The following CNGB1 variants were observed in gnomAD, a reference collection of about 807,000 sequenced individuals.
CNGB1 encodes cyclic nucleotide gated channel subunit beta 1.
Under a neutral mutation model 151.7 loss-of-function variants are expected in CNGB1, and 126 were observed. The ratio of observed to expected loss-of-function variants is 0.83; its 90% confidence interval spans 0.72 to 0.96. The LOEUF is 0.96. Among genes scored for constraint, CNGB1 ranks in the 40% least tolerant of loss-of-function variants. CNGB1 has a pLI of 0.00. For synonymous variants in CNGB1, 623 were observed against 635.1 expected (o/e 0.98, Z 0.29); for missense variants, 1,698 against 1,627.0 (o/e 1.04, Z -0.75).
chr16:57,947,529 T>G (rs1961839675), intron 14 of CNGB1, among the ~76,000 whole-genome samples: 1 of 152,130 alleles, frequency 6.6e-6, no homozygotes, highest in Admixed American at 6.5e-5. Flanking sequence ...AGGCTTAGTT[T>G]TGGTCTAAGA....
At chr16:57,905,402 T>C (rs1960521017) in intron 25 of CNGB1, among the ~76,000 whole-genome samples, 1 of 152,190 alleles carries the variant, frequency 6.6e-6, no homozygotes, top group Non-Finnish European at 1.5e-5. Context: ...GGCACACCCG[T>C]GGTCACTAGT....
intron 12 of CNGB1, among the ~76,000 whole-genome samples, chr16:57,953,967 T>C (rs891002525): frequency 2.0e-5 from 3 of 152,194 alleles, no homozygotes; most frequent in East Asian, 1.9e-4. Flanking sequence ...ACATTTTTCA[T>C]AGTTGGCCCC....
chr16:57,912,744 C>A (rs1444355268), intron 24 of CNGB1, among the ~76,000 whole-genome samples, 186 bp downstream of exon 24: 1 of 146,778 alleles, frequency 6.8e-6, no homozygotes, highest in Non-Finnish European at 1.5e-5. Context: ...TGTGTGTGTG[C>A]ATTGTGTGTT....
In CNGB1 at chr16:57,962,887, C is replaced by T. The variant is rs747578508; in HGVS notation, c.382-15G>A. 7 of 1,612,518 alleles carry T rather than the reference C, an allele frequency of 4.3e-6. No individual in the cohort carries two copies. The African/African-American group carries it at 5.3e-5, about 12-fold the overall frequency. Reference sequence around the variant, plus strand: ...TGCCCCAGGATCTGCCAGGGACAGACAGACAGACATGGGCAGGGAGCCCAA... The same window carrying T: ...TGCCCCAGGATCTGCCAGGGACAGATAGACAGACATGGGCAGGGAGCCCAA... On this transcript the variant is annotated splice_polypyrimidine_tract_variant and intron_variant, in intron 5 of 32. Coordinates refer to ENST00000251102, the MANE Select transcript of CNGB1 (RefSeq NM_001297.5).
chr16:57,925,978 G>A (rs561807273), intron 17 of CNGB1, among the ~76,000 whole-genome samples: 40 of 152,236 alleles, frequency 2.6e-4, no homozygotes, highest in African/African-American at 9.1e-4. Context: ...ATGAGCCACC[G>A]CCCCCGGCCA....
intron 17 of CNGB1, among the ~76,000 whole-genome samples, chr16:57,926,398 C>A (rs905275787): frequency 6.6e-6 from 1 of 152,172 alleles, no homozygotes; most frequent in Admixed American, 6.5e-5. Flanking sequence ...TCTAGGCCAG[C>A]GCTCTTCCCC....
chr16:57,967,950 T>A (rs138208678), intron 1 of CNGB1, among the ~76,000 whole-genome samples: 1 of 152,266 alleles, frequency 6.6e-6, no homozygotes, highest in Admixed American at 6.5e-5. Context: ...AGTACCTACA[T>A]GTAACTAAAT....
In CNGB1 at chr16:57,958,533, G is replaced by A. The variant is rs765129457; in HGVS notation, c.762-48C>T. On this transcript the variant is annotated intron_variant, in intron 10 of 32. Transcript: ENST00000251102. ...GGTGTCCAGGTGGGAAGGGTCATGG[G>A]TAAACTGAGGCTGGAGTCAGCTCGT... 7 of 1,524,598 alleles carry A rather than the reference G, an allele frequency of 4.6e-6. No individual in the cohort carries two copies. In the Admixed American group the frequency reaches 8.4e-5, roughly 18 times the overall value. The allele number at this position is 1,524,598 out of a possible 1,614,324, so 94.4% of individuals were successfully genotyped here. A position where few individuals can be genotyped will look rare whatever the true frequency, so the allele number is the denominator to read the frequency against.
intron 16 of CNGB1, among the ~76,000 whole-genome samples, chr16:57,932,631 G>A (rs1961387444): frequency 6.6e-6 from 1 of 150,510 alleles, no homozygotes; most frequent in African/African-American, 2.5e-5. Flanking sequence ...CCAGGCTGGA[G>A]TGCAGTGGCA....
At chr16:57,944,730 G>A (rs1328406702) in intron 14 of CNGB1, among the ~76,000 whole-genome samples, 3 of 151,782 alleles carry the variant, frequency 2.0e-5, no homozygotes, top group Non-Finnish European at 2.9e-5. Context: ...CGAGGTGGGC[G>A]GATCACTTGA....
intron 31 of CNGB1, among the ~76,000 whole-genome samples, chr16:57,892,983 A>C (rs1296705256): frequency 6.6e-6 from 1 of 152,142 alleles, no homozygotes; most frequent in Non-Finnish European, 1.5e-5. Context: ...CGGTTCCCTG[A>C]CTAGAATGTG....
chr16:57,950,713 C>T (rs757282010), intron 12 of CNGB1, among the ~76,000 whole-genome samples, 173 bp from the exon 13 acceptor site: 3 of 152,214 alleles, frequency 2.0e-5, no homozygotes, highest in African/African-American at 7.2e-5. Flanking sequence ...ATCGGTGTTC[C>T]GGTGATAGGT....
chr16:57,928,445 G>T (rs1961252583), intron 17 of CNGB1, among the ~76,000 whole-genome samples: 1 of 152,190 alleles, frequency 6.6e-6, no homozygotes, highest in South Asian at 2.1e-4. Flanking sequence ...AGACAGCCCA[G>T]CAATATGGAA....
At chr16:57,912,787 G>T in intron 24 of CNGB1, 143 bp downstream of exon 24, 1 of 801,930 alleles carries the variant, frequency 1.2e-6, no homozygotes, top group Non-Finnish European at 2.1e-6. Flanking sequence ...GTGTGTGCAT[G>T]TATGTGTGTA....
At position 57,961,775 on chromosome 16, in the gene CNGB1, G is replaced by C. The variant is rs564472604; in HGVS notation, c.458+790C>G. ...GGCAGGTGCTGTGCTGGGCACCAAGGGTTCAGTAGTGACCAGGACAAAAGC... is the reference window on the plus strand; with the variant it reads ...GGCAGGTGCTGTGCTGGGCACCAAGCGTTCAGTAGTGACCAGGACAAAAGC... On this transcript the variant is annotated intron_variant, in intron 7 of 32. Coordinates refer to ENST00000251102, the MANE Select transcript of CNGB1 (RefSeq NM_001297.5). Among the ~76,000 whole-genome samples, 239 of 152,304 alleles carry C rather than the reference G, an allele frequency of 1.6e-3. 1 individual carries two copies. Among genetic ancestry groups the C allele is most frequent in the Non-Finnish European group, 2.8e-3 (189 of 68,030 alleles).
intron 31 of CNGB1, among the ~76,000 whole-genome samples, chr16:57,890,777 G>A (rs541153806): frequency 6.6e-6 from 1 of 152,312 alleles, no homozygotes; most frequent in Non-Finnish European, 1.5e-5. Context: ...ATGTCCCCGG[G>A]ACTATGGTTC....
At chr16:57,923,628 G>A (rs1375362403) in intron 17 of CNGB1, among the ~76,000 whole-genome samples, 2 of 152,168 alleles carry the variant, frequency 1.3e-5, no homozygotes, top group Admixed American at 1.3e-4. Context: ...AACAGCATTG[G>A]TATTGCACCC....
chr16:57,923,565 G>A, intron 17 of CNGB1, among the ~76,000 whole-genome samples, 185 bp from the exon 18 acceptor site: 1 of 152,094 alleles, frequency 6.6e-6, no homozygotes, highest in African/African-American at 2.4e-5. Flanking sequence ...GAGGGGCATA[G>A]CCACTCTCTA....
chr16:57,899,761 C>T (rs1960336228), intron 29 of CNGB1, among the ~76,000 whole-genome samples: 1 of 152,130 alleles, frequency 6.6e-6, no homozygotes, highest in African/African-American at 2.4e-5. Context: ...CATGCATGAC[C>T]CCCTTAACAA....
Sources: gnomAD v4.1 joint callset for allele counts (sites outside exome capture counted in the v4.1 genomes callset) on GRCh38, gnomAD v4.1.1 for gene constraint, MANE v1.5 for transcripts, NCBI Gene and HGNC (gene_info 2026-07-23, HGNC 2026-07-21) for gene names.